FHIP2A: variants seen among roughly 807,000 people sequenced by gnomAD.
The protein encoded by FHIP2A is family with sequence similarity 160 member B1.
In FHIP2A, 46 loss-of-function variants were observed where a neutral mutation model predicts 93.5. The observed-to-expected ratio is 0.49, with a 90% CI of 0.39 to 0.63. The LOEUF (loss-of-function observed/expected upper bound fraction) is 0.63, where lower values mean the gene tolerates loss of function less well. FHIP2A is among the 20% of genes least tolerant of loss of function. The probability of loss-of-function intolerance (pLI) is 0.00; values close to 1 mark genes in which losing one functional copy is unlikely to be tolerated. For missense variants in FHIP2A, 769 were observed against 909.7 expected, an observed-to-expected ratio of 0.85 and a Z score of 1.99; for synonymous variants, 332 against 326.5, an observed-to-expected ratio of 1.02 and a Z score of -0.18.
chr10:114,857,418 T>A (rs2083773708), intron 14 of FHIP2A, among the ~76,000 whole-genome samples: 1 of 150,678 alleles, frequency 6.6e-6, no homozygotes, highest in Admixed American at 6.7e-5. Context: ...CAAGCGATTC[T>A]CCCGTCTCAG....
chr10:114,879,815 C>G (rs918251825), intron 16 of FHIP2A, among the ~76,000 whole-genome samples: 1 of 152,128 alleles, frequency 6.6e-6, no homozygotes, highest in African/African-American at 2.4e-5. Flanking sequence ...TAGCTTCCTT[C>G]GAGCCAATAT....
At position 114,830,660 on chromosome 10, in the gene FHIP2A, C is replaced by T. The variant is rs114537623; in HGVS notation, c.46-192C>T. Among the ~76,000 whole-genome samples, 675 of 152,210 alleles carry T rather than the reference C, an allele frequency of 4.4e-3. 4 individuals are homozygous for T. The highest frequency in any genetic ancestry group is 0.016 in the African/African-American group (663 of 41,516). On this transcript the variant is annotated intron_variant, in intron 1 of 16. Coordinates refer to ENST00000369248, the MANE Select transcript of FHIP2A (RefSeq NM_020940.4). ...TAATGTTGATAAATATGTTTTTCCT[C>T]TTCTTGATAACTCATTTTTACTTTC...
At chr10:114,829,305 A>G (rs573913878) in intron 1 of FHIP2A, among the ~76,000 whole-genome samples, 1 of 149,936 alleles carries the variant, frequency 6.7e-6, no homozygotes, top group Admixed American at 6.6e-5. Flanking sequence ...CCCTTTTTAG[A>G]CTATATAGGG....
intron 16 of FHIP2A, among the ~76,000 whole-genome samples, chr10:114,889,521 T>G (rs1403287436): frequency 1.3e-5 from 2 of 152,222 alleles, no homozygotes; most frequent in Admixed American, 1.3e-4. Flanking sequence ...CCATAGCCCC[T>G]TGTTGGTCAA....
intron 16 of FHIP2A, among the ~76,000 whole-genome samples, chr10:114,874,669 A>AT (rs2143014468): frequency 6.6e-6 from 1 of 152,008 alleles, no homozygotes; most frequent in Admixed American, 6.6e-5. Flanking sequence ...TGCCCCGCTA[A>AT]TTTTTTGTGT....
intron 1 of FHIP2A, among the ~76,000 whole-genome samples, chr10:114,822,337 C>G (rs2083534529): frequency 6.6e-6 from 1 of 151,654 alleles, no homozygotes; most frequent in Non-Finnish European, 1.5e-5. Context: ...CCGTCGGTCC[C>G]TGGCTGCCCC....
chr10:114,883,061 G>A (rs2083924972), intron 16 of FHIP2A, among the ~76,000 whole-genome samples: 2 of 152,088 alleles, frequency 1.3e-5, no homozygotes, highest in South Asian at 4.1e-4. Flanking sequence ...CACTTAAAGA[G>A]CACCAGCATG....
intron 12 of FHIP2A, 78 bp downstream of exon 12, chr10:114,847,311 T>A: frequency 1.5e-6 from 2 of 1,359,270 alleles, no homozygotes; most frequent in Middle Eastern, 1.9e-4. Context: ...TTTTTTGAGA[T>A]GGAGTCTTGC....
chr10:114,892,973 A>T (rs1400698538), intron 16 of FHIP2A, among the ~76,000 whole-genome samples: 1 of 152,144 alleles, frequency 6.6e-6, no homozygotes, highest in Non-Finnish European at 1.5e-5. Context: ...AACAGGGATA[A>T]TATGGTGTGG....
At position 114,862,449 on chromosome 10, in the gene FHIP2A, C is replaced by T; in HGVS notation, c.*909C>T. 4.1e-6 allele frequency: 4 copies of T among 987,530 alleles called. No individual in the cohort carries two copies. The highest frequency in any genetic ancestry group is 4.8e-6 in the Non-Finnish European group (4 of 830,086). The allele number at this position is 987,530 out of a possible 1,614,324, so 61.2% of individuals were successfully genotyped here. A position where few individuals can be genotyped will look rare whatever the true frequency, so the allele number is the denominator to read the frequency against. On this transcript the variant is annotated 3_prime_UTR_variant, in exon 17 of 17. Coordinates refer to ENST00000369248, the MANE Select transcript of FHIP2A (RefSeq NM_020940.4). ...CGCATGGTGGTGTCTAGGTGGGGAA[C>T]TGACTGATAACCCTTGGCAGCAATC... is the stretch of plus-strand genomic sequence containing the variant.
intron 16 of FHIP2A, among the ~76,000 whole-genome samples, chr10:114,893,984 T>G (rs991809878): frequency 1.3e-5 from 2 of 152,182 alleles, no homozygotes; most frequent in Non-Finnish European, 2.9e-5. Context: ...GATTTTCATC[T>G]TATTTTTTCC....
intron 1 of FHIP2A, among the ~76,000 whole-genome samples, chr10:114,824,937 C>T (rs1288713797): frequency 6.6e-6 from 1 of 152,120 alleles, no homozygotes; most frequent in African/African-American, 2.4e-5. Context: ...TGGAGTAATG[C>T]TTTTCCAACC....
In FHIP2A at chr10:114,863,547, T is replaced by C; in HGVS notation, c.*2007T>C. On this transcript the variant is annotated 3_prime_UTR_variant, in exon 17 of 17. Coordinates refer to ENST00000369248, the MANE Select transcript of FHIP2A (RefSeq NM_020940.4). ...GCTGCTTCTGAAAATATAATTTTTC[T>C]AAGTTGTTGTAATGACTTTAATTTG... 1.7e-6 allele frequency: 2 copies of C among 1,177,158 alleles called. No individual in the cohort carries two copies. Among genetic ancestry groups the C allele is most frequent in the Non-Finnish European group, 2.1e-6 (2 of 939,202 alleles). 72.9% of individuals were successfully genotyped at this position (1,177,158 alleles called of 1,614,324 possible).
At chr10:114,848,375 A>C (rs1315816157) in intron 12 of FHIP2A, among the ~76,000 whole-genome samples, 1 of 152,214 alleles carries the variant, frequency 6.6e-6, no homozygotes, top group African/African-American at 2.4e-5. Flanking sequence ...TTTTAAGTGG[A>C]ATTAGTCATT....
At chr10:114,855,054 C>G in intron 13 of FHIP2A, 143 bp from the exon 14 acceptor site, 48 of 724,280 alleles carry the variant, frequency 6.6e-5, no homozygotes, top group Non-Finnish European at 9.8e-5. Context: ...TGAGTCATCT[C>G]TTCCCCCTCT....
intron 5 of FHIP2A, among the ~76,000 whole-genome samples, chr10:114,841,131 A>G (rs1391157078): frequency 6.6e-6 from 1 of 152,102 alleles, no homozygotes; most frequent in African/African-American, 2.4e-5. Flanking sequence ...GATACCAACA[A>G]TCTTGAGTCT....
At chr10:114,848,083 TTTG>T (rs1384102897) in intron 12 of FHIP2A, among the ~76,000 whole-genome samples, 9 of 152,240 alleles carry the variant, frequency 5.9e-5, no homozygotes, top group Non-Finnish European at 1.3e-4. Context: ...GCTATTCCTT[TTTG>T]TTAGTTCGTG....
chr10:114,867,070 A>G (rs2083832794), downstream of FHIP2A, among the ~76,000 whole-genome samples: 1 of 152,064 alleles, frequency 6.6e-6, no homozygotes, highest in African/African-American at 2.4e-5. Flanking sequence ...TTAGCCAGGC[A>G]TGGTGGCACG....
chr10:114,875,769 AAAAG>A (rs988027373), intron 16 of FHIP2A, among the ~76,000 whole-genome samples: 4 of 151,212 alleles, frequency 2.6e-5, no homozygotes, highest in Non-Finnish European at 5.9e-5. Flanking sequence ...AAAGAAAGAG[AAAAG>A]AGAGAGAGAA....
Sources: allele counts gnomAD v4.1 joint callset (sites outside exome capture counted in the v4.1 genomes callset), GRCh38; gene constraint gnomAD v4.1.1; transcripts MANE v1.5; gene names NCBI Gene and HGNC (gene_info 2026-07-23, HGNC 2026-07-21).